TTC17: variants seen among roughly 807,000 people sequenced by gnomAD.
TTC17 encodes the protein tetratricopeptide repeat protein 17.
A neutral mutation model predicts 143.8 loss-of-function variants in TTC17; 58 were observed. The ratio of observed to expected loss-of-function variants is 0.40; its 90% CI spans 0.33 to 0.50. TTC17 has a LOEUF of 0.50. Ranked by LOEUF, TTC17 falls within the 20% of genes least tolerant of loss-of-function variation. TTC17 has a pLI of 0.49. For missense variants in TTC17, 1,273 were observed against 1,392.5 expected (o/e 0.91, Z 1.37); for synonymous variants, 501 against 497.8 (o/e 1.01, Z -0.09).
intron 15 of TTC17, among the ~76,000 whole-genome samples, chr11:43,412,875 A>G (rs192818583): frequency 3.3e-5 from 5 of 152,250 alleles, no homozygotes; most frequent in East Asian, 3.9e-4. Context: ...CTGTAAATCA[A>G]TTTATAGATT....
chr11:43,448,024 T>A lies in TTC17; in HGVS notation c.2688T>A (p.Arg896=). ...CAGGAAAAAAACGTGACTACCAGCG[T>A]CTGGGATGGCCCAGCCCGGACGAAT... The part of the protein sequence containing the change: ...GPQGKKRDYQ[R]LGWPSPDECL... Residue 896 remains arginine, a synonymous_variant, in exon 19 of 24, where the codon CGT becomes CGA. Transcript: ENST00000039989. 6.2e-7 allele frequency: 1 copy of A among 1,614,038 alleles called. No homozygotes were observed. The highest frequency in any genetic ancestry group is 1.1e-5 in the South Asian group (1 of 91,072).
At chr11:43,420,120 G>A (rs1946867739) in intron 16 of TTC17, among the ~76,000 whole-genome samples, 1 of 152,126 alleles carries the variant, frequency 6.6e-6, no homozygotes, top group African/African-American at 2.4e-5. Context: ...GGAGAGAATA[G>A]GAAAAAGAAT....
intron 11 of TTC17, 106 bp from the exon 12 acceptor site, chr11:43,405,408 A>C: frequency 1.2e-6 from 1 of 814,580 alleles, no homozygotes; most frequent in Non-Finnish European, 2.0e-6. Flanking sequence ...ATCTTAAGAT[A>C]TTATAGTTTT....
At chr11:43,404,264 G>A (rs1394481148) in intron 11 of TTC17, 120 bp downstream of exon 11, 22 of 893,856 alleles carry the variant, frequency 2.5e-5, no homozygotes, top group Non-Finnish European at 3.2e-5. Context: ...TTCAGCAAAC[G>A]TGTAGTACAT....
At chr11:43,444,722 T>TACACAC (rs10638143) in intron 18 of TTC17, among the ~76,000 whole-genome samples, 21,782 of 143,454 alleles carry the variant, frequency 0.15, 1,787 homozygotes, top group Middle Eastern at 0.21. Context: ...ACCAAATACA[T>TACACAC]ACACACACAC....
At chr11:43,435,503 T>A (rs930925557) in intron 16 of TTC17, 5 of 152,248 alleles carry the variant, frequency 3.3e-5, no homozygotes, top group Non-Finnish European at 7.3e-5. Flanking sequence ...AAACTCTTAA[T>A]AGGATCAAAA....
At chr11:43,386,413 G>C (rs1341990016) in intron 2 of TTC17, among the ~76,000 whole-genome samples, 1 of 152,164 alleles carries the variant, frequency 6.6e-6, no homozygotes, top group African/African-American at 2.4e-5. Flanking sequence ...ATAATGGTAA[G>C]TATTTGTATA....
chr11:43,375,405 G>A (rs1220305862), intron 1 of TTC17, among the ~76,000 whole-genome samples: 1 of 152,070 alleles, frequency 6.6e-6, no homozygotes, highest in South Asian at 2.1e-4. Context: ...TTACATAGAG[G>A]CAAAATCTTG....
chr11:43,360,965 C>A (rs1264387216), intron 1 of TTC17, among the ~76,000 whole-genome samples: 1 of 152,090 alleles, frequency 6.6e-6, no homozygotes, highest in Non-Finnish European at 1.5e-5. Flanking sequence ...ATAACATTTA[C>A]AATGTTATGT....
chr11:43,397,822 G>GT, intron 7 of TTC17, 152 bp from the exon 8 acceptor site: 1 of 1,147,370 alleles, frequency 8.7e-7, no homozygotes, highest in South Asian at 1.6e-5. Flanking sequence ...TCACTGTAGA[G>GT]TAAGAGGTAG....
At chr11:43,457,626 C>T (rs1165611686) in intron 21 of TTC17, among the ~76,000 whole-genome samples, 1 of 151,762 alleles carries the variant, frequency 6.6e-6, no homozygotes. Flanking sequence ...CACCAGAGAA[C>T]TAAAAACTAC....
intron 1 of TTC17, among the ~76,000 whole-genome samples, chr11:43,372,299 A>G (rs538957651): frequency 2.6e-5 from 4 of 151,772 alleles, no homozygotes; most frequent in South Asian, 4.2e-4. Context: ...GCTGTCTAAA[A>G]AGGTTCATGG....
Position 43,403,522 on chromosome 11 carries a change from T to G in TTC17, c.1333-476T>G, listed in dbSNP as rs542210867. ...TAGGTTACCCTTTCACCCTCAAAACTTTTCTTTGTAATTGATTGCACAACA... is the reference window on the plus strand; with the variant it reads ...TAGGTTACCCTTTCACCCTCAAAACGTTTCTTTGTAATTGATTGCACAACA... On this transcript the variant is annotated intron_variant, in intron 10 of 23. Transcript: ENST00000039989. 2.0e-5 allele frequency among the ~76,000 whole-genome samples: 3 copies of G among 152,226 alleles called. No individual in the cohort carries two copies. In the East Asian group the frequency reaches 5.8e-4, roughly 29 times the overall value.
intron 16 of TTC17, chr11:43,436,228 G>A: frequency 6.7e-7 from 1 of 1,485,516 alleles, no homozygotes; most frequent in Non-Finnish European, 8.9e-7. Context: ...ACAACTCACA[G>A]TCACTGGATG....
At chr11:43,490,996 A>C (rs1372030650) in intron 22 of TTC17, 1 of 151,962 alleles carries the variant, frequency 6.6e-6, no homozygotes, top group Non-Finnish European at 1.5e-5. Flanking sequence ...TGAGTTCTGC[A>C]TTAATCCAGA....
At chr11:43,390,185 CTTGTAG>C (rs1857323951) in intron 3 of TTC17, 1 of 159,860 alleles carries the variant, frequency 6.3e-6, no homozygotes, top group African/African-American at 2.4e-5. Context: ...GTGGTGTGCA[CTTGTAG>C]TTGTAGCTAC....
At chr11:43,367,676 G>A (rs1309520149) in intron 1 of TTC17, among the ~76,000 whole-genome samples, 1 of 152,036 alleles carries the variant, frequency 6.6e-6, no homozygotes, top group Non-Finnish European at 1.5e-5. Context: ...CGTCTCAGCT[G>A]TACTCCTTGA....
At chr11:43,383,064 T>A (rs535085120) in intron 2 of TTC17, among the ~76,000 whole-genome samples, 1 of 151,922 alleles carries the variant, frequency 6.6e-6, no homozygotes, top group Non-Finnish European at 1.5e-5. Context: ...GCCCAGCTAT[T>A]TTTTTTATTT....
At chr11:43,479,279 C>G (rs1406206498) in intron 21 of TTC17, among the ~76,000 whole-genome samples, 1 of 151,840 alleles carries the variant, frequency 6.6e-6, no homozygotes, top group Non-Finnish European at 1.5e-5. Context: ...TTTGTATATA[C>G]TTGAAATTTT....
Sources: allele counts gnomAD v4.1 joint callset (sites outside exome capture counted in the v4.1 genomes callset), GRCh38; gene constraint gnomAD v4.1.1; transcripts MANE v1.5; gene names NCBI Gene and HGNC (gene_info 2026-07-23, HGNC 2026-07-21).